OSBPL1A: variants seen among roughly 807,000 people sequenced by gnomAD.
OSBPL1A encodes the protein oxysterol-binding protein-related protein 1.
OSBPL1A carries 80 observed loss-of-function variants against 137.1 expected under a neutral mutation model. The observed-to-expected ratio is 0.58, with a 90% CI of 0.49 to 0.70. The LOEUF is 0.70. Among genes scored for constraint, OSBPL1A ranks in the 30% least tolerant of loss-of-function variants. OSBPL1A has a pLI of 0.00. For missense variants in OSBPL1A, 970 were observed against 1,129.4 expected, an observed-to-expected ratio of 0.86 and a Z score of 2.02; for synonymous variants, 365 against 389.7, an observed-to-expected ratio of 0.94 and a Z score of 0.75.
chr18:24,309,640 T>C (rs1285110834), intron 13 of OSBPL1A, among the ~76,000 whole-genome samples: 1 of 152,202 alleles, frequency 6.6e-6, no homozygotes, highest in African/African-American at 2.4e-5. Flanking sequence ...AACTCAAGAA[T>C]GAAGGGCATC....
rs749778154 is a variant in OSBPL1A, at chr18:24,280,838, C to T, written c.1281+4G>A. On this transcript the variant is annotated splice_donor_region_variant and intron_variant, in intron 15 of 27. Coordinates refer to ENST00000319481, the MANE Select transcript of OSBPL1A (RefSeq NM_080597.4). ...TTTTACAAATTCAATTCTGAACTAC[C>T]TACCCCTTCTTGTTTGGTGAAGAGA... The T allele has an allele frequency of 3.6e-5, 56 of 1,569,832 alleles. 1 individual carries two copies. In the South Asian group the frequency reaches 6.1e-4, roughly 17 times the overall value.
In OSBPL1A at chr18:24,175,104, G is replaced by GTGTATATATATATATATATA. The variant is rs1491534405; in HGVS notation, c.2094-2622_2094-2621insTATATATATATATATATACA. Among the ~76,000 whole-genome samples, 133 of 42,680 alleles carry GTGTATATATATATATATATA rather than the reference G, an allele frequency of 3.1e-3. 1 individual carries two copies. The highest frequency in any genetic ancestry group is 5.0e-3 in the Non-Finnish European group (101 of 20,094). 28.0% of individuals were successfully genotyped at this position (42,680 alleles called of 152,430 possible). On this transcript the variant is annotated intron_variant, in intron 21 of 27. Coordinates refer to ENST00000319481, the MANE Select transcript of OSBPL1A (RefSeq NM_080597.4). ...GACTTCATGTGCTTATTTGCCATGT[G>GTGTATATATATATATATATA]TATGTATATATATATATATATATAT...
intron 4 of OSBPL1A, among the ~76,000 whole-genome samples, chr18:24,343,062 T>G (rs2091296211): frequency 6.6e-6 from 1 of 151,382 alleles, no homozygotes; most frequent in South Asian, 2.1e-4. Flanking sequence ...ACCCACAGAA[T>G]GAGAAAAAAA....
At chr18:24,349,583 C>A (rs891962328) in intron 4 of OSBPL1A, among the ~76,000 whole-genome samples, 1 of 152,118 alleles carries the variant, frequency 6.6e-6, no homozygotes, top group Non-Finnish European at 1.5e-5. Context: ...CAGGCAGACA[C>A]GACCTATTGA....
At chr18:24,284,351 G>A (rs2090027021) in intron 14 of OSBPL1A, among the ~76,000 whole-genome samples, 1 of 152,138 alleles carries the variant, frequency 6.6e-6, no homozygotes. Context: ...CCAGTATGTT[G>A]CCTTATTTGG....
At chr18:24,367,155 G>A (rs376084119) in intron 3 of OSBPL1A, among the ~76,000 whole-genome samples, 189 bp from the exon 4 acceptor site, 1 of 152,040 alleles carries the variant, frequency 6.6e-6, no homozygotes, top group Admixed American at 6.6e-5. Flanking sequence ...CCAGCTACTT[G>A]GGAGGCTGAG....
chr18:24,225,136 C>G lies in OSBPL1A; in HGVS notation c.1507G>C (p.Glu503Gln). 6.2e-7 allele frequency: 1 copy of G among 1,614,170 alleles called. No individual in the cohort carries two copies. The highest frequency in any genetic ancestry group is 8.5e-7 in the Non-Finnish European group (1 of 1,180,000). The change falls in exon 17 of 28, where the codon GAA becomes CAA. Residue 503 changes from glutamate (E) to glutamine (Q), a missense_variant. This residue lies in a region of OSBPL1A where 647 missense variants were observed against 672.6 expected (regional missense o/e 0.96). Transcript: ENST00000319481. The part of the protein sequence containing the change: ...EAVTARSFEE[E>Q]GEHLGSRKHR... ...TTTCTACTGCCCAAATGCTCTCCTT[C>G]CTCTTCAAAGGAGCGTGCTGTCACT... is the stretch of plus-strand genomic sequence containing the variant.
intron 18 of OSBPL1A, among the ~76,000 whole-genome samples, chr18:24,188,674 T>C (rs1236060360): frequency 6.6e-6 from 1 of 152,090 alleles, no homozygotes; most frequent in African/African-American, 2.4e-5. Context: ...CTTGGAAGAG[T>C]GTAACATGCT....
At chr18:24,232,825 G>GAA (rs374848484) in intron 16 of OSBPL1A, among the ~76,000 whole-genome samples, 1 of 4,100 alleles carries the variant, frequency 2.4e-4, no homozygotes, top group African/African-American at 3.4e-4. Flanking sequence ...AAAGATGAAT[G>GAA]ATATGGCTGG....
intron 5 of OSBPL1A, among the ~76,000 whole-genome samples, chr18:24,337,861 AC>A (rs1010971591): frequency 2.8e-4 from 43 of 151,854 alleles, no homozygotes; most frequent in African/African-American, 1.0e-3. Context: ...CTTAAGAGAT[AC>A]TGAAGTACTT....
At chr18:24,284,218 T>C (rs2090023478) in intron 14 of OSBPL1A, among the ~76,000 whole-genome samples, 2 of 137,478 alleles carry the variant, frequency 1.5e-5, no homozygotes, top group Admixed American at 1.4e-4. Flanking sequence ...TTACATAATG[T>C]TACATAAAAA....
Position 24,324,561 on chromosome 18 carries a change from G to A in OSBPL1A, c.626-5752C>T, listed in dbSNP as rs889696981. 3.6e-4 allele frequency among the ~76,000 whole-genome samples: 19 copies of A among 52,554 alleles called. 3 individuals are homozygous for A. In the South Asian group the frequency reaches 4.0e-3, roughly 11 times the overall value. The allele number at this position is 52,554 out of a possible 152,430, so 34.5% of individuals were successfully genotyped here. On this transcript the variant is annotated intron_variant, in intron 7 of 27. Coordinates refer to ENST00000319481, the MANE Select transcript of OSBPL1A (RefSeq NM_080597.4). ...ATAGATAACTCACGTGTATACATTG[G>A]TGCGTATTTCCAGACTCCCAATAAA... is the stretch of plus-strand genomic sequence containing the variant.
At position 24,239,435 on chromosome 18, in the gene OSBPL1A, C is replaced by T. The variant is rs1237319356; in HGVS notation, c.1282-53G>A. ...ACTTCAGAGTGACAGGAGACACAGA[C>T]GTACTCAGAGGATGTGAAAATTAAT... On this transcript the variant is annotated intron_variant, in intron 15 of 27. Transcript: ENST00000319481. The T allele has an allele frequency of 1.7e-5, 26 of 1,497,546 alleles. No individual in the cohort carries two copies. The South Asian group carries it at 2.2e-4, about 13-fold the overall frequency. The allele number at this position is 1,497,546 out of a possible 1,614,324, so 92.8% of individuals were successfully genotyped here.
chr18:24,179,043 G>C (rs901767463), intron 20 of OSBPL1A: 6 of 152,242 alleles, frequency 3.9e-5, no homozygotes, highest in Admixed American at 6.5e-5. Flanking sequence ...TTATAAGAGG[G>C]CCTCACTGTT....
At chr18:24,200,821 T>C (rs987439429) in intron 17 of OSBPL1A, among the ~76,000 whole-genome samples, 5 of 152,248 alleles carry the variant, frequency 3.3e-5, no homozygotes, top group East Asian at 1.9e-4. Flanking sequence ...GCAGTGTTAT[T>C]TGAAGAAGCA....
intron 16 of OSBPL1A, among the ~76,000 whole-genome samples, chr18:24,231,343 A>C (rs138665468): frequency 1.3e-5 from 2 of 152,188 alleles, no homozygotes; most frequent in African/African-American, 4.8e-5. Flanking sequence ...CCCAGTCTGG[A>C]GTGCAGTGGC....
intron 15 of OSBPL1A, among the ~76,000 whole-genome samples, chr18:24,249,783 G>T (rs1040048662): frequency 3.9e-5 from 6 of 152,128 alleles, no homozygotes; most frequent in Non-Finnish European, 8.8e-5. Flanking sequence ...CGTCACCCGC[G>T]GCCAAAGTCC....
chr18:24,283,070 G>A (rs1042245461), intron 14 of OSBPL1A, among the ~76,000 whole-genome samples: 5 of 151,578 alleles, frequency 3.3e-5, no homozygotes, highest in Admixed American at 6.6e-5. Context: ...TTCAAGACCA[G>A]TATGGCCAAC....
intron 2 of OSBPL1A, among the ~76,000 whole-genome samples, chr18:24,373,565 CT>C (rs1905842828): frequency 6.6e-6 from 1 of 152,158 alleles, no homozygotes; most frequent in African/African-American, 2.4e-5. Context: ...CCTAAAAACA[CT>C]AACCTTCACT....
Sources: gnomAD v4.1 joint callset for allele counts (sites outside exome capture counted in the v4.1 genomes callset) on GRCh38, gnomAD v4.1.1 for gene constraint, gnomAD v4.1.1 regional missense constraint, MANE v1.5 for transcripts, NCBI Gene and HGNC (gene_info 2026-07-23, HGNC 2026-07-21) for gene names.